Variants in CRYBG1 observed in about 807,000 individuals in gnomAD.
CRYBG1 encodes crystallin beta-gamma domain containing 1.
In CRYBG1, 139 loss-of-function variants were observed where a neutral mutation model predicts 189.2. That is an observed-to-expected ratio of 0.73 (90% confidence interval 0.64 to 0.85). CRYBG1 has a LOEUF of 0.85. Among genes scored for constraint, CRYBG1 ranks in the 40% least tolerant of loss-of-function variants. The pLI is 0.00. For missense variants in CRYBG1, 2,611 were observed against 2,675.8 expected (o/e 0.98, Z 0.53); for synonymous variants, 1,023 against 1,017.1 (o/e 1.01, Z -0.11).
intron 2 of CRYBG1, among the ~76,000 whole-genome samples, chr6:106,463,558 G>A (rs568143734): frequency 2.6e-5 from 4 of 152,264 alleles, no homozygotes; most frequent in African/African-American, 9.6e-5. Flanking sequence ...TTAAATATAT[G>A]TGTTTGTATG....
chr6:106,403,871 C>G (rs1770769219), intron 1 of CRYBG1, among the ~76,000 whole-genome samples: 2 of 152,072 alleles, frequency 1.3e-5, no homozygotes, highest in South Asian at 4.1e-4. Context: ...AACATGGTAG[C>G]TTAAAAACAA....
intron 2 of CRYBG1, among the ~76,000 whole-genome samples, chr6:106,468,179 G>A (rs1351001115): frequency 6.6e-6 from 1 of 152,188 alleles, no homozygotes; most frequent in Non-Finnish European, 1.5e-5. Context: ...CAAGAAGAAG[G>A]ATATTGTTGA....
At chr6:106,390,928 G>T (rs893867931) in intron 1 of CRYBG1, among the ~76,000 whole-genome samples, 1 of 151,966 alleles carries the variant, frequency 6.6e-6, no homozygotes, top group Non-Finnish European at 1.5e-5. Context: ...ATTTCTGTTG[G>T]GTATATACTC....
chr6:106,540,826 A>T (rs1278664911), intron 9 of CRYBG1, among the ~76,000 whole-genome samples: 1 of 152,096 alleles, frequency 6.6e-6, no homozygotes, highest in Non-Finnish European at 1.5e-5. Context: ...ATTAATTTTA[A>T]AAAAATCCAA....
chr6:106,554,473 G>A (rs1209630488), intron 16 of CRYBG1, among the ~76,000 whole-genome samples: 1 of 152,148 alleles, frequency 6.6e-6, no homozygotes, highest in East Asian at 1.9e-4. Flanking sequence ...AATTAGCCGG[G>A]CATGGTGACA....
intron 1 of CRYBG1, among the ~76,000 whole-genome samples, chr6:106,364,663 C>A (rs978879504): frequency 6.6e-6 from 1 of 152,192 alleles, no homozygotes; most frequent in African/African-American, 2.4e-5. Context: ...ATGAGCATGG[C>A]GAGCTGTGGC....
At chr6:106,526,907 C>T (rs1773749470) in intron 6 of CRYBG1, among the ~76,000 whole-genome samples, 1 of 132,862 alleles carries the variant, frequency 7.5e-6, no homozygotes. Flanking sequence ...CACCACTGCA[C>T]TCTAGCCTGG....
At chr6:106,398,738 A>G (rs1374287677) in intron 1 of CRYBG1, among the ~76,000 whole-genome samples, 3 of 152,084 alleles carry the variant, frequency 2.0e-5, no homozygotes, top group Non-Finnish European at 2.9e-5. Context: ...GTTTGCTCCA[A>G]TCAAAATCAA....
chr6:106,545,040 A>T, intron 13 of CRYBG1, 107 bp downstream of exon 13: 3 of 855,540 alleles, frequency 3.5e-6, no homozygotes, highest in Non-Finnish European at 5.3e-6. Flanking sequence ...CAAATATCTC[A>T]ACAGCTTAAC....
chr6:106,460,264 T>G lies in CRYBG1; in HGVS notation c.312+8432T>G, dbSNP rs971975964. Among the ~76,000 whole-genome samples the G allele has an allele frequency of 1.8e-4, 27 of 152,136 alleles. 1 individual carries two copies. Among genetic ancestry groups the G allele is most frequent in the Non-Finnish European group, 1.5e-5 (1 of 68,012 alleles). On this transcript the variant is annotated intron_variant, in intron 2 of 21. Coordinates refer to ENST00000633556, the MANE Select transcript of CRYBG1 (RefSeq NM_001371242.2). ...CCTCTGCCTCCCAAAGTGCTGGGAT[T>G]ACAGGCGTGAGCCACCGCGCCCAGC... is the stretch of plus-strand genomic sequence containing the variant.
intron 1 of CRYBG1, among the ~76,000 whole-genome samples, chr6:106,432,070 G>A (rs753182379): frequency 6.6e-6 from 1 of 152,164 alleles, no homozygotes; most frequent in African/African-American, 2.4e-5. Context: ...ATTAATTCTA[G>A]CGTGGCAAAA....
chr6:106,529,710 A>G (rs956332030), intron 7 of CRYBG1, among the ~76,000 whole-genome samples: 1 of 152,210 alleles, frequency 6.6e-6, no homozygotes, highest in African/African-American at 2.4e-5. Flanking sequence ...AACCAATATC[A>G]TAGAGGTTTA....
In CRYBG1 at chr6:106,477,162, G is replaced by A. The variant is rs146470684; in HGVS notation, c.312+25330G>A. 1.6e-4 allele frequency among the ~76,000 whole-genome samples: 24 copies of A among 152,194 alleles called. No homozygotes were observed. In the East Asian group the frequency reaches 3.3e-3, roughly 21 times the overall value. ...GTTTTGGTGATGTGTTTTGGTATTC[G>A]TCCCATTGTAATTCCAAAGCCACAA... is the stretch of plus-strand genomic sequence containing the variant. On this transcript the variant is annotated intron_variant, in intron 2 of 21. Transcript: ENST00000633556.
At chr6:106,370,680 G>A (rs1415304062) in intron 1 of CRYBG1, among the ~76,000 whole-genome samples, 4 of 152,182 alleles carry the variant, frequency 2.6e-5, no homozygotes, top group African/African-American at 9.7e-5. Flanking sequence ...GAAGTTCATG[G>A]AAGGTAATGC....
intron 6 of CRYBG1, among the ~76,000 whole-genome samples, chr6:106,526,964 C>CAA (rs1225360714): frequency 3.7e-5 from 4 of 106,798 alleles, no homozygotes; most frequent in South Asian, 3.0e-4. Flanking sequence ...AAAAAAGAGA[C>CAA]AAAAAAAAAA....
chr6:106,455,260 A>G (rs1771862034), intron 2 of CRYBG1, among the ~76,000 whole-genome samples: 1 of 152,196 alleles, frequency 6.6e-6, no homozygotes, highest in South Asian at 2.1e-4. Context: ...AAATAAAAAC[A>G]TATCATGTAT....
intron 1 of CRYBG1, among the ~76,000 whole-genome samples, chr6:106,372,120 C>T (rs76516001): frequency 0.055 from 8,356 of 152,290 alleles, 377 homozygotes; most frequent in East Asian, 0.16. Flanking sequence ...ATTCCACTAA[C>T]TTACAAAGCC....
At chr6:106,439,447 A>G (rs1771529689) in intron 1 of CRYBG1, among the ~76,000 whole-genome samples, 1 of 152,318 alleles carries the variant, frequency 6.6e-6, no homozygotes, top group African/African-American at 2.4e-5. Flanking sequence ...ACTGAAGAAT[A>G]TGAATACAGT....
Position 106,520,649 on chromosome 6 carries a change from T to G in CRYBG1, c.3441T>G (p.His1147Gln). 6.2e-7 allele frequency: 1 copy of G among 1,614,132 alleles called. No individual in the cohort carries two copies. ...CCATGCCTCCTATTCACGAAGACCATTTAGAAAAGGTGTTTGATCCCAAAG... is the reference window on the plus strand; with the variant it reads ...CCATGCCTCCTATTCACGAAGACCAGTTAGAAAAGGTGTTTGATCCCAAAG... ...HFAMPPIHED[H>Q]LEKVFDPKVF... Residue 1147 changes from histidine to glutamine, a missense_variant, in exon 4 of 22, where the codon CAT becomes CAG. His to Gln is a conservative substitution (Grantham distance 24). Around this residue, in one of 3 missense-constraint regions of CRYBG1, gnomAD observed 1,622 missense variants for 1,735.0 expected, o/e 0.93. Transcript: ENST00000633556.
Sources: gnomAD v4.1 joint callset for allele counts (sites outside exome capture counted in the v4.1 genomes callset) on GRCh38, gnomAD v4.1.1 for gene constraint, gnomAD v4.1.1 regional missense constraint, MANE v1.5 for transcripts, NCBI Gene and HGNC (gene_info 2026-07-23, HGNC 2026-07-21) for gene names.